CLASP1: variants seen among roughly 807,000 people sequenced by gnomAD.
CLASP1 encodes cytoplasmic linker associated protein 1.
CLASP1 carries 38 observed loss-of-function variants against 192.3 expected under a neutral mutation model. The ratio of observed to expected loss-of-function variants is 0.20; its 90% CI spans 0.15 to 0.26. The LOEUF (loss-of-function observed/expected upper bound fraction) is 0.26. CLASP1 is among the 10% of genes least tolerant of loss of function. CLASP1 has a pLI of 1.00. For synonymous variants in CLASP1, 691 were observed against 712.8 expected, an observed-to-expected ratio of 0.97 and a Z score of 0.49; for missense variants, 1,433 against 1,932.5, an observed-to-expected ratio of 0.74 and a Z score of 4.85.
chr2:121,348,367 G>T, intron 38 of CLASP1, 145 bp downstream of exon 39: 1 of 669,366 alleles, frequency 1.5e-6, no homozygotes, highest in Non-Finnish European at 2.5e-6. Flanking sequence ...GCTGTGAAGT[G>T]TCCCTGCCAC....
At chr2:121,385,306 T>TA (rs1256278654) in intron 32 of CLASP1, among the ~76,000 whole-genome samples, 16 of 151,370 alleles carry the variant, frequency 1.1e-4, no homozygotes, top group African/African-American at 2.2e-4. Context: ...GACGGCAAGT[T>TA]AAAAAAAAAT....
At chr2:121,632,896 C>T (rs1576628361) in intron 1 of CLASP1, among the ~76,000 whole-genome samples, 1 of 127,134 alleles carries the variant, frequency 7.9e-6, no homozygotes, top group South Asian at 2.4e-4. Flanking sequence ...AACTCCATCT[C>T]AGAAAAAAAA....
At position 121,464,393 on chromosome 2, in the gene CLASP1, T is replaced by C. The variant is rs532435909; in HGVS notation, c.866-1788A>G. On this transcript the variant is annotated intron_variant, in intron 9 of 39. Coordinates refer to ENST00000263710, the Ensembl canonical transcript of CLASP1. Reference sequence around the variant, plus strand: ...GGATGGCTGGGTCAAATGGTATTTCTAGTTCTAGATCCTTGAGGAATCGCC... The same window carrying C: ...GGATGGCTGGGTCAAATGGTATTTCCAGTTCTAGATCCTTGAGGAATCGCC... Among the ~76,000 whole-genome samples, 101 of 152,260 alleles carry C rather than the reference T, an allele frequency of 6.6e-4. 2 individuals are homozygous for C. Among genetic ancestry groups the C allele is most frequent in the African/African-American group, 2.3e-3 (97 of 41,558 alleles).
At chr2:121,412,503 TAGG>T (rs2077885044) in intron 23 of CLASP1, among the ~76,000 whole-genome samples, 2 of 151,798 alleles carry the variant, frequency 1.3e-5, no homozygotes, top group Non-Finnish European at 2.9e-5. Flanking sequence ...GGGTAGATAG[TAGG>T]AGACTTATGA....
chr2:121,591,019 C>T (rs1245869692), intron 2 of CLASP1, among the ~76,000 whole-genome samples: 1 of 151,982 alleles, frequency 6.6e-6, no homozygotes, highest in Admixed American at 6.6e-5. Context: ...AGGCGTGCAC[C>T]ACCACGCCCA....
chr2:121,585,469 G>C lies in CLASP1; in HGVS notation c.195+20232C>G, dbSNP rs533492376. 1.6e-4 allele frequency among the ~76,000 whole-genome samples: 24 copies of C among 152,290 alleles called. 2 individuals are homozygous for C. The South Asian group carries it at 5.0e-3, about 32-fold the overall frequency. ...AGCTCCACAGAGACTAAGTATACTT[G>C]CTCTCCTTTGCCAGCGTTCCCATTT... On this transcript the variant is annotated intron_variant, in intron 2 of 39. Transcript: ENST00000263710.
chr2:121,600,248 G>A (rs2063641218), intron 2 of CLASP1, among the ~76,000 whole-genome samples: 1 of 152,148 alleles, frequency 6.6e-6, no homozygotes, highest in Non-Finnish European at 1.5e-5. Context: ...GAACATGCAG[G>A]CTGCCACTAC....
At chr2:121,503,586 G>A (rs1210733521) in intron 7 of CLASP1, among the ~76,000 whole-genome samples, 1 of 152,208 alleles carries the variant, frequency 6.6e-6, no homozygotes, top group Non-Finnish European at 1.5e-5. Flanking sequence ...TATGAGAAGT[G>A]TGTGTTTCTC....
intron 21 of CLASP1, 73 bp downstream of exon 21, chr2:121,427,331 G>A (rs1475467733): frequency 4.1e-5 from 62 of 1,523,874 alleles, no homozygotes; most frequent in Non-Finnish European, 4.5e-6. Flanking sequence ...TTAATATTGT[G>A]CAAGGAACAT....
chr2:121,528,594 T>C (rs1032005657), intron 4 of CLASP1, 83 bp downstream of exon 4: 2 of 1,021,076 alleles, frequency 2.0e-6, no homozygotes, highest in African/African-American at 3.1e-5. Flanking sequence ...GTCACACCAT[T>C]TGTGCAAGTA....
chr2:121,510,064 A>T (rs2094076082), intron 7 of CLASP1, among the ~76,000 whole-genome samples: 1 of 152,232 alleles, frequency 6.6e-6, no homozygotes, highest in African/African-American at 2.4e-5. Context: ...ATCAAAGCTT[A>T]TGGAATACAG....
chr2:121,574,798 G>A (rs755157768), intron 2 of CLASP1, among the ~76,000 whole-genome samples: 1 of 151,950 alleles, frequency 6.6e-6, no homozygotes, highest in Non-Finnish European at 1.5e-5. Flanking sequence ...CTAGCTGGGC[G>A]TGGTGGCATG....
At chr2:121,493,727 A>T (rs1247501379) in intron 8 of CLASP1, among the ~76,000 whole-genome samples, 1 of 150,418 alleles carries the variant, frequency 6.6e-6, no homozygotes, top group Admixed American at 6.6e-5. Flanking sequence ...ATATATGAGG[A>T]GCTCAAACAA....
intron 1 of CLASP1, among the ~76,000 whole-genome samples, chr2:121,616,069 A>G (rs2066405461): frequency 6.6e-6 from 1 of 152,210 alleles, no homozygotes; most frequent in Non-Finnish European, 1.5e-5. Flanking sequence ...GGAGTTCAAG[A>G]AGCCTTAATA....
chr2:121,353,096 G>A (rs1249819748), intron 37 of CLASP1, among the ~76,000 whole-genome samples: 2 of 152,180 alleles, frequency 1.3e-5, no homozygotes, highest in Non-Finnish European at 2.9e-5. Context: ...TTGGAAGGCT[G>A]TGCTGGGTGG....
chr2:121,494,075 C>T (rs186469295), intron 8 of CLASP1, among the ~76,000 whole-genome samples: 8 of 152,282 alleles, frequency 5.3e-5, no homozygotes, highest in South Asian at 2.1e-4. Flanking sequence ...AACTACCATA[C>T]GATCCAGCAA....
chr2:121,388,045 T>C (rs1273529068), intron 30 of CLASP1, 139 bp from the exon 32 acceptor site: 10 of 617,060 alleles, frequency 1.6e-5, no homozygotes, highest in Non-Finnish European at 2.2e-5. Context: ...AAAAAGCATC[T>C]GAAGAAAATA....
chr2:121,428,085 A>G (rs907898805), intron 20 of CLASP1, among the ~76,000 whole-genome samples: 1 of 152,218 alleles, frequency 6.6e-6, no homozygotes, highest in African/African-American at 2.4e-5. Flanking sequence ...TGAGTGAAGT[A>G]AAACTAAGGA....
chr2:121,387,725 G>A, intron 31 of CLASP1, 38 bp downstream of exon 32: 1 of 1,608,250 alleles, frequency 6.2e-7, no homozygotes, highest in East Asian at 2.2e-5. Context: ...AGAGGTCATG[G>A]ACATCACATA....
Sources: allele counts gnomAD v4.1 joint callset (sites outside exome capture counted in the v4.1 genomes callset), GRCh38; gene constraint gnomAD v4.1.1; transcripts MANE v1.5; gene names NCBI Gene and HGNC (gene_info 2026-07-23, HGNC 2026-07-21).